Variants in CLASP2 observed in about 807,000 individuals in gnomAD.
CLASP2 encodes CLIP-associating protein 2.
In CLASP2, 47 loss-of-function variants were observed where a neutral mutation model predicts 194.4. The observed-to-expected ratio is 0.24, with a 90% CI of 0.19 to 0.31. The LOEUF (loss-of-function observed/expected upper bound fraction) is 0.31. Among genes scored for constraint, CLASP2 ranks in the 10% least tolerant of loss-of-function variants. The probability of loss-of-function intolerance (pLI) is 1.00; values close to 1 mark genes in which losing one functional copy is unlikely to be tolerated. For missense variants in CLASP2, 1,445 were observed against 1,823.6 expected (o/e 0.79, Z 3.78); for synonymous variants, 619 against 633.5 (o/e 0.98, Z 0.34).
chr3:33,592,330 TACAA>T, intron 21 of CLASP2, 61 bp downstream of exon 21: 1 of 1,157,468 alleles, frequency 8.6e-7, no homozygotes, highest in Non-Finnish European at 1.3e-6. Flanking sequence ...AATACAGTAA[TACAA>T]AAGCAACACA....
chr3:33,534,467 T>C (rs1000833659), intron 34 of CLASP2, among the ~76,000 whole-genome samples: 2 of 152,108 alleles, frequency 1.3e-5, no homozygotes, highest in Admixed American at 6.5e-5. Flanking sequence ...CTCAGGAGGC[T>C]GAGGTGGGAG....
intron 7 of CLASP2, among the ~76,000 whole-genome samples, chr3:33,658,713 C>A (rs1474483896): frequency 6.6e-6 from 1 of 152,202 alleles, no homozygotes; most frequent in Non-Finnish European, 1.5e-5. Context: ...ATATCTACCA[C>A]CAAGACTGAA....
At chr3:33,600,088 T>TTG (rs371922867) in intron 18 of CLASP2, among the ~76,000 whole-genome samples, 70 of 151,154 alleles carry the variant, frequency 4.6e-4, no homozygotes, top group African/African-American at 9.5e-4. Context: ...TATATTTTTT[T>TTG]TGTGTGTGTG....
At chr3:33,660,327 T>G (rs557881021) in intron 7 of CLASP2, among the ~76,000 whole-genome samples, 1 of 152,294 alleles carries the variant, frequency 6.6e-6, no homozygotes, top group East Asian at 1.9e-4. Context: ...TAAATCCAGT[T>G]TTCTTCTAAC....
chr3:33,571,015 A>ATATTTTTTTTTTTTTTTTTTTTTT (rs2063630966), intron 25 of CLASP2, among the ~76,000 whole-genome samples: 1 of 123,942 alleles, frequency 8.1e-6, no homozygotes, highest in Admixed American at 9.3e-5. Context: ...GTCTCTATAA[A>ATATTTTTTTTTTTTTTTTTTTTTT]TTTTTTTTTT....
At position 33,615,435 on chromosome 3, in the gene CLASP2, A is replaced by G. The variant is rs941421337; in HGVS notation, c.1318-3364T>C. On this transcript the variant is annotated intron_variant, in intron 12 of 38. Coordinates refer to ENST00000682230, the MANE Select transcript of CLASP2 (RefSeq NM_001365631.1). ...ACGAACAGGAAACAAAATATAAGAA[A>G]AAAATACTATTTCAAGATGATAATA... 2.6e-5 allele frequency among the ~76,000 whole-genome samples: 4 copies of G among 151,584 alleles called. No homozygotes were observed. The East Asian group carries it at 7.7e-4, about 29-fold the overall frequency.
intron 34 of CLASP2, among the ~76,000 whole-genome samples, 193 bp from the exon 35 acceptor site, chr3:33,517,367 T>C (rs902407755): frequency 3.3e-5 from 5 of 152,228 alleles, no homozygotes; most frequent in Admixed American, 6.5e-5. Context: ...CTTAAAACTT[T>C]GTATAATAAA....
Position 33,516,011 on chromosome 3 carries a change from C to T in CLASP2, c.4110+12G>A. 6.2e-7 allele frequency: 1 copy of T among 1,600,748 alleles called. No individual in the cohort carries two copies. Among genetic ancestry groups the T allele is most frequent in the Non-Finnish European group, 8.5e-7 (1 of 1,174,894 alleles). On this transcript the variant is annotated intron_variant, in intron 36 of 38. Coordinates refer to ENST00000682230, the MANE Select transcript of CLASP2 (RefSeq NM_001365631.1). ...AATAATGGAATAATACTTTACCGGC[C>T]AGGTAACTTACCTCCTTATGAGGAT... is the stretch of plus-strand genomic sequence containing the variant.
At chr3:33,592,226 A>C (rs2068957421) in intron 21 of CLASP2, 169 bp downstream of exon 21, 1 of 710,076 alleles carries the variant, frequency 1.4e-6, no homozygotes, top group Non-Finnish European at 2.6e-6. Flanking sequence ...CATTTTTGTC[A>C]GGTGATGATG....
chr3:33,591,530 G>C (rs561211106), intron 21 of CLASP2, among the ~76,000 whole-genome samples: 3 of 152,344 alleles, frequency 2.0e-5, no homozygotes, highest in African/African-American at 7.2e-5. Flanking sequence ...AGGATTGCTT[G>C]AGCCCAGGAG....
intron 24 of CLASP2, among the ~76,000 whole-genome samples, chr3:33,575,013 G>A (rs759532384): frequency 1.3e-5 from 2 of 151,946 alleles, no homozygotes; most frequent in African/African-American, 2.4e-5. Flanking sequence ...CAATCAATTC[G>A]TAACATTTAT....
intron 4 of CLASP2, 122 bp from the exon 5 acceptor site, chr3:33,687,257 C>A: frequency 1.7e-6 from 1 of 584,712 alleles, no homozygotes; most frequent in Non-Finnish European, 3.0e-6. Flanking sequence ...GGGCACACAT[C>A]ATTAAAACAT....
chr3:33,656,081 A>G (rs1312833798), intron 7 of CLASP2, among the ~76,000 whole-genome samples: 1 of 152,172 alleles, frequency 6.6e-6, no homozygotes, highest in Admixed American at 6.5e-5. Context: ...TTATCTGACT[A>G]CTTGATTTAA....
intron 10 of CLASP2, among the ~76,000 whole-genome samples, chr3:33,623,561 A>G (rs1045787248): frequency 6.6e-6 from 1 of 152,082 alleles, no homozygotes; most frequent in Non-Finnish European, 1.5e-5. Context: ...TTCACTAAAC[A>G]TAATGTCCTC....
intron 33 of CLASP2, among the ~76,000 whole-genome samples, chr3:33,538,379 A>T (rs1029204846): frequency 6.6e-6 from 1 of 152,202 alleles, no homozygotes; most frequent in Admixed American, 6.5e-5. Flanking sequence ...CACAATCTAA[A>T]ATAGACTCAC....
intron 34 of CLASP2, among the ~76,000 whole-genome samples, chr3:33,528,381 C>A (rs1460502345): frequency 6.6e-6 from 1 of 152,170 alleles, no homozygotes. Context: ...TGAAAACTGG[C>A]ACAAGACAAG....
At chr3:33,573,444 G>A (rs776466272) in intron 24 of CLASP2, 90 bp from the exon 25 acceptor site, 1 of 1,346,660 alleles carries the variant, frequency 7.4e-7, no homozygotes, top group Non-Finnish European at 1.0e-6. Flanking sequence ...ATTGATTTTT[G>A]TTTTAAAATC....
At chr3:33,505,676 A>G (rs765524227) in intron 37 of CLASP2, among the ~76,000 whole-genome samples, 11 of 152,250 alleles carry the variant, frequency 7.2e-5, no homozygotes, top group Non-Finnish European at 1.5e-4. Context: ...TTAGACTAAT[A>G]ACATCTGAAC....
intron 34 of CLASP2, among the ~76,000 whole-genome samples, chr3:33,527,503 G>A (rs2054900689): frequency 6.6e-6 from 1 of 152,090 alleles, no homozygotes. Context: ...TAAAGCATGG[G>A]ATCTGATGAA....
Sources: allele counts gnomAD v4.1 joint callset (sites outside exome capture counted in the v4.1 genomes callset), GRCh38; gene constraint gnomAD v4.1.1; transcripts MANE v1.5; gene names NCBI Gene and HGNC (gene_info 2026-07-23, HGNC 2026-07-21).